ESR1: variants seen among roughly 807,000 people sequenced by gnomAD.
The protein encoded by ESR1 is estrogen receptor.
In ESR1, 12 loss-of-function variants were observed where a neutral mutation model predicts 52.7. The ratio of observed to expected loss-of-function variants is 0.23; its 90% CI spans 0.15 to 0.37. The LOEUF (loss-of-function observed/expected upper bound fraction) is 0.37. Among genes scored for constraint, ESR1 ranks in the 10% least tolerant of loss-of-function variants. The pLI is 1.00. For missense variants in ESR1, 584 were observed against 779.7 expected (o/e 0.75, Z 2.99); for synonymous variants, 305 against 316.8 (o/e 0.96, Z 0.39).
intron 2 of ESR1, among the ~76,000 whole-genome samples, chr6:151,755,561 G>C (rs1784221580): frequency 6.6e-6 from 1 of 152,076 alleles, no homozygotes; most frequent in Non-Finnish European, 1.5e-5. Flanking sequence ...TCCTGCCCAT[G>C]CTCTGTCCTG....
chr6:151,757,237 TA>T (rs11357005), intron 2 of ESR1, among the ~76,000 whole-genome samples: 114,891 of 149,062 alleles, frequency 0.77, 45,037 homozygotes, highest in African/African-American at 0.93. Context: ...AACGTTCCAT[TA>T]AAAAAAAAAA....
intron 4 of ESR1, among the ~76,000 whole-genome samples, chr6:151,964,494 C>T (rs1436975769): frequency 6.6e-6 from 1 of 151,834 alleles, no homozygotes; most frequent in East Asian, 1.9e-4. Context: ...TATAGAAAAG[C>T]TATGGATTTT....
chr6:151,982,660 A>G lies in ESR1; in HGVS notation c.1097-28996A>G, dbSNP rs545908588. On this transcript the variant is annotated intron_variant, in intron 4 of 7. Transcript: ENST00000206249. ...CCACCACACCTGGCTAATTTTTTGT[A>G]TTTTTAGTAGAGACGGGGTTTCACC... Among the ~76,000 whole-genome samples, 34 of 151,944 alleles carry G rather than the reference A, an allele frequency of 2.2e-4. No homozygotes were observed. In the East Asian group the frequency reaches 5.6e-3, roughly 25 times the overall value.
intron 4 of ESR1, among the ~76,000 whole-genome samples, chr6:151,953,235 G>A (rs192971860): frequency 3.7e-4 from 56 of 152,256 alleles, no homozygotes; most frequent in African/African-American, 1.3e-3. Flanking sequence ...TAGACCCATT[G>A]TGTGCTAACC....
chr6:151,846,569 A>G (rs191057611), intron 2 of ESR1, among the ~76,000 whole-genome samples: 6 of 152,334 alleles, frequency 3.9e-5, no homozygotes, highest in Admixed American at 6.5e-5. Context: ...ACTTAAGAAG[A>G]GAGCTAGAAA....
At chr6:152,041,110 C>T (rs1181316120) in intron 5 of ESR1, among the ~76,000 whole-genome samples, 4 of 152,180 alleles carry the variant, frequency 2.6e-5, no homozygotes, top group African/African-American at 9.7e-5. Context: ...TTGTCTCTCA[C>T]AAGGAGAGTA....
chr6:152,099,810 T>C lies in ESR1; in HGVS notation c.*844T>C, dbSNP rs1332048751. 1 of 394,634 alleles carries C rather than the reference T, an allele frequency of 2.5e-6. No homozygotes were observed. The highest frequency in any genetic ancestry group is 4.5e-6 in the Non-Finnish European group (1 of 224,068). 24.4% of individuals were successfully genotyped at this position (394,634 alleles called of 1,614,324 possible). A position where few individuals can be genotyped will look rare whatever the true frequency, so the allele number is the denominator to read the frequency against. On this transcript the variant is annotated 3_prime_UTR_variant, in exon 8 of 8. Transcript: ENST00000206249. ...AAAAGAAAGCCCTCCCTCCCTGAAC[T>C]TGCAGTAAGGTCAGCTTCAGGACCT...
chr6:151,905,934 A>G (rs896462877), intron 3 of ESR1, among the ~76,000 whole-genome samples: 9 of 152,124 alleles, frequency 5.9e-5, no homozygotes, highest in African/African-American at 2.2e-4. Flanking sequence ...CATGAAACCC[A>G]CTTATGCCTA....
At chr6:151,675,253 G>T (rs767400043) in intron 1 of ESR1, among the ~76,000 whole-genome samples, 1 of 152,188 alleles carries the variant, frequency 6.6e-6, no homozygotes, top group Admixed American at 6.5e-5. Context: ...TATTCACTAA[G>T]TACTCACTGA....
At chr6:151,792,941 C>A (rs1369002256) in intron 2 of ESR1, among the ~76,000 whole-genome samples, 1 of 151,942 alleles carries the variant, frequency 6.6e-6, no homozygotes, top group African/African-American at 2.4e-5. Flanking sequence ...GAGGCCGAGG[C>A]GGGCAGATCA....
chr6:152,059,911 G>T (rs980218682), intron 5 of ESR1, among the ~76,000 whole-genome samples: 4 of 152,196 alleles, frequency 2.6e-5, no homozygotes, highest in Middle Eastern at 3.4e-3. Context: ...GAACTCCAAG[G>T]TCTATTAACT....
At chr6:151,854,472 A>C (rs1787463074) in intron 2 of ESR1, among the ~76,000 whole-genome samples, 1 of 152,222 alleles carries the variant, frequency 6.6e-6, no homozygotes, top group African/African-American at 2.4e-5. Context: ...AGTTGCTAAG[A>C]AATGAAGGAA....
At position 151,704,331 on chromosome 6, in the gene ESR1, C is replaced by T. The variant is rs181834045; in HGVS notation, c.-71+2326C>T. Among the ~76,000 whole-genome samples the T allele has an allele frequency of 1.7e-3, 255 of 152,222 alleles. 1 individual carries two copies. Among genetic ancestry groups the T allele is most frequent in the African/African-American group, 5.5e-3 (229 of 41,548 alleles). On this transcript the variant is annotated intron_variant, in intron 2 of 2. Coordinates refer to the ESR1 transcript ENST00000404742. ...TGGCTCACTGCAACCTCTGCCTCCC[C>T]GGTTCAAGCGATTTTTCCTGCCTCA... is the stretch of plus-strand genomic sequence containing the variant.
intron 3 of ESR1, among the ~76,000 whole-genome samples, chr6:151,899,724 G>C (rs1165488674): frequency 4.0e-5 from 6 of 151,446 alleles, no homozygotes; most frequent in Non-Finnish European, 1.5e-5. Context: ...CTCAGACGGG[G>C]CGGCCCGGCA....
rs149708008 is a variant in ESR1 at position 152,011,925 on chromosome 6, G to A, written c.1235+131G>A. The A allele has an allele frequency of 4.3e-4, 413 of 952,340 alleles. 2 individuals carry two copies. In the African/African-American group the frequency reaches 6.0e-3, roughly 14 times the overall value. 59.0% of individuals were successfully genotyped at this position (952,340 alleles called of 1,614,324 possible). A position where few individuals can be genotyped will look rare whatever the true frequency, so the allele number is the denominator to read the frequency against. Reference sequence around the variant, plus strand: ...AGGTATGTTTACTTAACAAAAGAGTGCATTGGGGGTGATGAAGCCTAGTCA... The same window carrying A: ...AGGTATGTTTACTTAACAAAAGAGTACATTGGGGGTGATGAAGCCTAGTCA... On this transcript the variant is annotated intron_variant, in intron 5 of 7. Transcript: ENST00000206249.
At chr6:151,936,874 AG>A (rs1562567927) in intron 3 of ESR1, among the ~76,000 whole-genome samples, 1 of 152,202 alleles carries the variant, frequency 6.6e-6, no homozygotes, top group African/African-American at 2.4e-5. Flanking sequence ...TGAATGGCAC[AG>A]GAAAGAAAAA....
intron 6 of ESR1, among the ~76,000 whole-genome samples, chr6:152,065,173 C>T (rs970229518): frequency 2.0e-5 from 3 of 152,168 alleles, no homozygotes; most frequent in East Asian, 1.9e-4. Context: ...ACAATAGAGA[C>T]GACCATGGCT....
At chr6:151,981,268 A>G (rs2128674576) in intron 4 of ESR1, among the ~76,000 whole-genome samples, 1 of 152,270 alleles carries the variant, frequency 6.6e-6, no homozygotes, top group East Asian at 1.9e-4. Context: ...TTTCTAAAGT[A>G]ATGACTCATT....
In ESR1 at chr6:152,100,947, CTTGT is replaced by C. The variant is rs1004035402; in HGVS notation, c.*1984_*1987del. 7 of 227,964 alleles carry C rather than the reference CTTGT, an allele frequency of 3.1e-5. No homozygotes were observed. Among genetic ancestry groups the C allele is most frequent in the South Asian group, 1.8e-4 (1 of 5,442 alleles). The allele number at this position is 227,964 out of a possible 1,614,324, so 14.1% of individuals were successfully genotyped here. On this transcript the variant is annotated 3_prime_UTR_variant, in exon 8 of 8. Transcript: ENST00000206249. ...TATATATTTTTTTGAAATTACATTG[CTTGT>C]TTATCAGACAATTGAATGTAGTAAT...
Sources: gnomAD v4.1 joint callset for allele counts (sites outside exome capture counted in the v4.1 genomes callset) on GRCh38, gnomAD v4.1.1 for gene constraint, MANE v1.5 for transcripts, NCBI Gene and HGNC (gene_info 2026-07-23, HGNC 2026-07-21) for gene names.